VTI1A: variants seen among roughly 807,000 people sequenced by gnomAD.
The protein encoded by VTI1A is vesicle transport through interaction with t-SNAREs homolog 1A.
VTI1A carries 22 observed loss-of-function variants against 34.9 expected under a neutral mutation model. That is an observed-to-expected ratio of 0.63 (90% CI 0.45 to 0.90). The LOEUF is 0.90. Among genes scored for constraint, VTI1A ranks in the 40% least tolerant of loss-of-function variants. VTI1A has a pLI of 0.00. For synonymous variants in VTI1A, 87 were observed against 97.3 expected, an observed-to-expected ratio of 0.89 and a Z score of 0.62; for missense variants, 268 against 275.6, an observed-to-expected ratio of 0.97 and a Z score of 0.20.
At chr10:112,665,084 T>C (rs1032938407) in intron 5 of VTI1A, among the ~76,000 whole-genome samples, 8 of 152,252 alleles carry the variant, frequency 5.3e-5, no homozygotes, top group African/African-American at 1.9e-4. Context: ...ACATCTGCCA[T>C]TGGCTTAGGC....
At chr10:112,546,689 G>A (rs1159078088) in intron 5 of VTI1A, among the ~76,000 whole-genome samples, 1 of 151,528 alleles carries the variant, frequency 6.6e-6, no homozygotes, top group Non-Finnish European at 1.5e-5. Context: ...TTTAAAAAAA[G>A]AGGCATATTC....
intron 3 of VTI1A, among the ~76,000 whole-genome samples, chr10:112,481,236 A>G (rs542292599): frequency 1.3e-5 from 2 of 152,346 alleles, no homozygotes; most frequent in Admixed American, 1.3e-4. Flanking sequence ...ATTCTGTATC[A>G]AACTATTTTA....
intron 7 of VTI1A, among the ~76,000 whole-genome samples, chr10:112,786,328 A>G (rs995040986): frequency 1.3e-5 from 2 of 152,196 alleles, no homozygotes; most frequent in African/African-American, 2.4e-5. Flanking sequence ...TAGTCCTAGT[A>G]GTATTTTGTC....
intron 7 of VTI1A, among the ~76,000 whole-genome samples, chr10:112,784,300 G>A (rs900545240): frequency 1.3e-5 from 2 of 152,154 alleles, no homozygotes; most frequent in Admixed American, 1.3e-4. Flanking sequence ...CCTGTTTTGT[G>A]AATGAGAATA....
intron 7 of VTI1A, among the ~76,000 whole-genome samples, chr10:112,764,625 T>C (rs1182343136): frequency 6.6e-6 from 1 of 152,236 alleles, no homozygotes; most frequent in Non-Finnish European, 1.5e-5. Context: ...TCTGGATATA[T>C]ACCTGTATAA....
intron 7 of VTI1A, among the ~76,000 whole-genome samples, chr10:112,692,676 C>T (rs1445584102): frequency 6.6e-6 from 1 of 152,128 alleles, no homozygotes; most frequent in Non-Finnish European, 1.5e-5. Context: ...GAGTATTGCC[C>T]ATGGTTTTAA....
intron 5 of VTI1A, among the ~76,000 whole-genome samples, chr10:112,583,717 T>TA (rs1199384926): frequency 1.3e-5 from 2 of 152,184 alleles, no homozygotes; most frequent in Non-Finnish European, 2.9e-5. Context: ...GAAGCAGTGT[T>TA]ATAGCAGAGC....
chr10:112,549,980 TG>T (rs887413949), intron 5 of VTI1A, among the ~76,000 whole-genome samples: 4 of 152,176 alleles, frequency 2.6e-5, no homozygotes, highest in African/African-American at 9.7e-5. Context: ...GTGAGCTCCA[TG>T]GTGGTAAGAA....
intron 5 of VTI1A, among the ~76,000 whole-genome samples, chr10:112,561,885 G>T (rs186245482): frequency 1.1e-3 from 161 of 152,128 alleles, no homozygotes; most frequent in Admixed American, 3.0e-3. Flanking sequence ...TATAAATAAA[G>T]AAATACTTTT....
chr10:112,774,704 A>G (rs1479217492), intron 7 of VTI1A, among the ~76,000 whole-genome samples: 3 of 152,122 alleles, frequency 2.0e-5, no homozygotes, highest in Non-Finnish European at 2.9e-5. Context: ...GATAATTGCA[A>G]TGGATGAAAG....
At chr10:112,665,846 A>G (rs956575268) in intron 5 of VTI1A, among the ~76,000 whole-genome samples, 5 of 152,196 alleles carry the variant, frequency 3.3e-5, no homozygotes, top group African/African-American at 4.8e-5. Flanking sequence ...TACAGGGGAT[A>G]TGATACTGGC....
intron 7 of VTI1A, among the ~76,000 whole-genome samples, chr10:112,805,964 C>T (rs966021714): frequency 7.2e-5 from 11 of 152,144 alleles, no homozygotes; most frequent in Non-Finnish European, 1.6e-4. Context: ...ACTATCTGGC[C>T]CTCTGCAGAC....
intron 7 of VTI1A, chr10:112,737,325 AC>A: frequency 9.8e-7 from 1 of 1,020,862 alleles, no homozygotes; most frequent in Non-Finnish European, 1.2e-6. Flanking sequence ...CTTGTGAGCC[AC>A]CGTGCCCAAC....
chr10:112,813,734 G>C, intron 7 of VTI1A, among the ~76,000 whole-genome samples: 1 of 152,210 alleles, frequency 6.6e-6, no homozygotes, highest in Non-Finnish European at 1.5e-5. Context: ...TGTTAAGTCT[G>C]AATTAGCTGT....
the VTI1A span, among the ~76,000 whole-genome samples, chr10:112,836,631 A>G: frequency 3.1e-4 from 47 of 152,366 alleles, no homozygotes; most frequent in African/African-American, 1.1e-3. Flanking sequence ...GAATCAGGCC[A>G]CGTGTAGTAG....
intron 7 of VTI1A, among the ~76,000 whole-genome samples, chr10:112,784,009 A>T (rs1276698303): frequency 6.6e-6 from 1 of 152,256 alleles, no homozygotes; most frequent in East Asian, 1.9e-4. Flanking sequence ...CCTTGAAGCA[A>T]AATGGGGTGA....
the VTI1A span, among the ~76,000 whole-genome samples, chr10:112,838,863 C>T: frequency 6.6e-6 from 1 of 152,356 alleles, no homozygotes; most frequent in South Asian, 2.1e-4. Context: ...CCCTGAGCCT[C>T]ACTTTGTCAC....
Position 112,815,530 on chromosome 10 carries a change from G to T in VTI1A, c.*147G>T. On this transcript the variant is annotated 3_prime_UTR_variant, in exon 8 of 8. Transcript: ENST00000393077. The stretch of plus-strand genomic sequence containing the variant: ...GCCGTTGGGCTGAAGTGCAAAGAGT[G>T]TAAAAATATTTTCTATTCCTGTTTG... 1 of 643,742 alleles carries T rather than the reference G, an allele frequency of 1.6e-6. No individual in the cohort carries two copies. Among genetic ancestry groups the T allele is most frequent in the Non-Finnish European group, 2.7e-6 (1 of 367,426 alleles). The allele number at this position is 643,742 out of a possible 1,614,324, so 39.9% of individuals were successfully genotyped here. A position where few individuals can be genotyped will look rare whatever the true frequency, so the allele number is the denominator to read the frequency against.
intron 7 of VTI1A, among the ~76,000 whole-genome samples, chr10:112,685,728 A>G (rs1389231191): frequency 6.6e-6 from 1 of 151,216 alleles, no homozygotes; most frequent in East Asian, 1.9e-4. Context: ...TGAGTTTTTT[A>G]TTTAGTTACT....
Sources: allele counts gnomAD v4.1 joint callset (sites outside exome capture counted in the v4.1 genomes callset), GRCh38; gene constraint gnomAD v4.1.1; transcripts MANE v1.5; gene names NCBI Gene and HGNC (gene_info 2026-07-23, HGNC 2026-07-21).